LDLRAD4: variants seen among roughly 807,000 people sequenced by gnomAD.
The protein encoded by LDLRAD4 is low density lipoprotein receptor class A domain containing 4, also known as low-density lipoprotein receptor class A domain-containing protein 4.
Under a neutral mutation model 17.0 loss-of-function variants are expected in LDLRAD4, and 5 were observed. The observed-to-expected ratio is 0.29, with a 90% CI of 0.15 to 0.62. The LOEUF is 0.62. Among genes scored for constraint, LDLRAD4 ranks in the 20% least tolerant of loss-of-function variants. The pLI is 0.84. For missense variants in LDLRAD4, 340 were observed against 424.7 expected, an observed-to-expected ratio of 0.80 and a Z score of 1.75; for synonymous variants, 168 against 171.8, an observed-to-expected ratio of 0.98 and a Z score of 0.17.
chr18:13,226,710 GAATAAAATAAAATAA>G (rs60378544), intron 1 of LDLRAD4, among the ~76,000 whole-genome samples: 1,567 of 139,556 alleles, frequency 0.011, 35 homozygotes, highest in African/African-American at 0.038. Flanking sequence ...TTTAAAATTT[GAATAAAATAAAATAA>G]AATAAAATAA....
chr18:13,397,070 T>G (rs1485256128), intron 2 of LDLRAD4, among the ~76,000 whole-genome samples: 1 of 152,238 alleles, frequency 6.6e-6, no homozygotes, highest in African/African-American at 2.4e-5. Context: ...CTAGGCTTGC[T>G]GGGTCCGCCA....
At chr18:13,460,516 A>G (rs1351759122) in intron 3 of LDLRAD4, among the ~76,000 whole-genome samples, 1 of 152,266 alleles carries the variant, frequency 6.6e-6, no homozygotes, top group Non-Finnish European at 1.5e-5. Context: ...AGAGCAGTCC[A>G]TTAGAGTGGA....
chr18:13,623,427 G>T (rs2148829076), intron 4 of LDLRAD4, among the ~76,000 whole-genome samples: 1 of 152,356 alleles, frequency 6.6e-6, no homozygotes, highest in Non-Finnish European at 1.5e-5. Context: ...AGCTGAGCTG[G>T]GGCTTGCAGA....
intron 1 of LDLRAD4, among the ~76,000 whole-genome samples, chr18:13,337,185 A>C (rs1316458853): frequency 1.3e-5 from 2 of 152,190 alleles, no homozygotes; most frequent in Non-Finnish European, 2.9e-5. Flanking sequence ...GATTCTTCGA[A>C]ATGATATAAG....
intron 1 of LDLRAD4, among the ~76,000 whole-genome samples, chr18:13,372,702 A>G (rs563175793): frequency 1.3e-5 from 2 of 152,290 alleles, no homozygotes; most frequent in South Asian, 4.1e-4. Flanking sequence ...AAGACATTGC[A>G]CTGAAGATGA....
rs1015808457 is a variant in LDLRAD4 at position 13,612,594 on chromosome 18, A to G, written c.182-8523A>G. ...CACTCTCCCACACCCCATGCCAGCT[A>G]TAACTGCAGCTCTGAGCTGCCTGGA... On this transcript the variant is annotated intron_variant, in intron 3 of 5. Transcript: ENST00000359446. 3.0e-5 allele frequency: 46 copies of G among 1,553,682 alleles called. No homozygotes were observed. The Admixed American group carries it at 7.0e-4, about 24-fold the overall frequency.
chr18:13,624,645 T>G (rs1460856959), intron 4 of LDLRAD4, among the ~76,000 whole-genome samples: 1 of 152,216 alleles, frequency 6.6e-6, no homozygotes, highest in East Asian at 1.9e-4. Flanking sequence ...TCCCCATGCC[T>G]GGCCTGGCCC....
intron 2 of LDLRAD4, among the ~76,000 whole-genome samples, chr18:13,418,869 C>T (rs1311316669): frequency 1.3e-5 from 2 of 152,200 alleles, no homozygotes; most frequent in East Asian, 1.9e-4. Flanking sequence ...AGCCCAGCCT[C>T]ACCTCCTTTA....
intron 2 of LDLRAD4, among the ~76,000 whole-genome samples, chr18:13,388,237 G>A (rs2085977017): frequency 6.6e-6 from 1 of 152,202 alleles, no homozygotes; most frequent in Non-Finnish European, 1.5e-5. Context: ...CAGTGAGCGG[G>A]GAGAAGTGGG....
intron 1 of LDLRAD4, among the ~76,000 whole-genome samples, chr18:13,308,969 T>A (rs1268892342): frequency 6.6e-6 from 1 of 152,246 alleles, no homozygotes; most frequent in Non-Finnish European, 1.5e-5. Flanking sequence ...AAGTTATGTT[T>A]GCTTTTGGTT....
Position 13,612,852 on chromosome 18 carries a change from G to A in LDLRAD4, c.182-8265G>A, listed in dbSNP as rs530771069. Reference sequence around the variant, plus strand: ...TGGTTCTTCTTGGAGTTTGGTCTGAGGACAGAGCTGAGAAGAGGAGAAGCT... The same window carrying A: ...TGGTTCTTCTTGGAGTTTGGTCTGAAGACAGAGCTGAGAAGAGGAGAAGCT... On this transcript the variant is annotated intron_variant, in intron 3 of 5. Transcript: ENST00000359446. 83 of 1,554,618 alleles carry A rather than the reference G, an allele frequency of 5.3e-5. No homozygotes were observed. In the South Asian group the frequency reaches 9.2e-4, roughly 17 times the overall value.
chr18:13,547,919 G>A (rs1483190097), intron 3 of LDLRAD4, among the ~76,000 whole-genome samples: 2 of 152,174 alleles, frequency 1.3e-5, no homozygotes, highest in East Asian at 1.9e-4. Context: ...AGCTCTTTCA[G>A]TCCCACCATT....
intron 3 of LDLRAD4, among the ~76,000 whole-genome samples, chr18:13,597,685 C>A (rs554994216): frequency 7.4e-4 from 113 of 152,256 alleles, no homozygotes; most frequent in African/African-American, 2.2e-3. Context: ...TCTCTTATGT[C>A]AGTTTAGATC....
intron 3 of LDLRAD4, among the ~76,000 whole-genome samples, chr18:13,590,035 ATGTG>A (rs201612614): frequency 1.4e-5 from 2 of 141,092 alleles, no homozygotes; most frequent in South Asian, 2.3e-4. Context: ...ATGGGTGTGC[ATGTG>A]TGTGAGTGTG....
At chr18:13,468,072 A>T (rs1402342565) in intron 3 of LDLRAD4, among the ~76,000 whole-genome samples, 1 of 152,184 alleles carries the variant, frequency 6.6e-6, no homozygotes, top group Non-Finnish European at 1.5e-5. Flanking sequence ...ATGATGTTGG[A>T]TATGGCAGTG....
Position 13,643,364 on chromosome 18 carries a change from G to T in LDLRAD4, c.342G>T (p.Gly114=), listed in dbSNP as rs763191251. 7 of 1,456,004 alleles carry T rather than the reference G, an allele frequency of 4.8e-6. No homozygotes were observed. In the Admixed American group the frequency reaches 1.7e-4, roughly 36 times the overall value. The allele number at this position is 1,456,004 out of a possible 1,614,324, so 90.2% of individuals were successfully genotyped here. A position where few individuals can be genotyped will look rare whatever the true frequency, so the allele number is the denominator to read the frequency against. Reference sequence around the variant, plus strand: ...CTCCCCTTCCCCTCCGCCAGGAAGGGTGCCTGTGGCCTTCAGACAGCGCCG... The same window carrying T: ...CTCCCCTTCCCCTCCGCCAGGAAGGTTGCCTGTGGCCTTCAGACAGCGCCG... Residue 114 remains glycine (G), a synonymous_variant, in exon 5 of 6, where the codon GGG becomes GGT. Coordinates refer to ENST00000359446, the Ensembl canonical transcript of LDLRAD4.
At chr18:13,372,435 C>A (rs1322648102) in intron 1 of LDLRAD4, among the ~76,000 whole-genome samples, 1 of 152,184 alleles carries the variant, frequency 6.6e-6, no homozygotes, top group South Asian at 2.1e-4. Context: ...AATAAAAACA[C>A]CTTGCCCTTG....
At chr18:13,280,765 C>T (rs2045220227) in intron 1 of LDLRAD4, among the ~76,000 whole-genome samples, 1 of 152,224 alleles carries the variant, frequency 6.6e-6, no homozygotes, top group Non-Finnish European at 1.5e-5. Context: ...TTTTGGTTTT[C>T]TTCTTGGTCC....
At chr18:13,246,122 CTAAT>C (rs747566641) in intron 1 of LDLRAD4, among the ~76,000 whole-genome samples, 19 of 152,224 alleles carry the variant, frequency 1.2e-4, no homozygotes, top group South Asian at 4.1e-4. Context: ...TTTTTAGAGG[CTAAT>C]TAAAGTGTGC....
Sources: allele counts gnomAD v4.1 joint callset (sites outside exome capture counted in the v4.1 genomes callset), GRCh38; gene constraint gnomAD v4.1.1; transcripts MANE v1.5; gene names NCBI Gene and HGNC (gene_info 2026-07-23, HGNC 2026-07-21).